Variants in POLK observed in about 807,000 individuals in gnomAD.
POLK encodes polymerase (DNA directed) kappa.
In POLK, 76 loss-of-function variants were observed where a neutral mutation model predicts 94.0. That is an observed-to-expected ratio of 0.81 (90% CI 0.67 to 0.98). POLK has a LOEUF of 0.98. Ranked by LOEUF, POLK falls within the 50% of genes least tolerant of loss-of-function variation. POLK has a pLI of 0.00. For synonymous variants in POLK, 349 were observed against 325.4 expected (o/e 1.07, Z -0.78); for missense variants, 954 against 1,010.1 (o/e 0.94, Z 0.75).
intron 1 of POLK, among the ~76,000 whole-genome samples, chr5:75,536,411 C>T (rs754474964): frequency 3.9e-5 from 6 of 152,140 alleles, no homozygotes; most frequent in Admixed American, 3.9e-4. Context: ...GAAGTGGGAA[C>T]CCTGGATTGG....
downstream of POLK, among the ~76,000 whole-genome samples, chr5:75,602,592 C>G (rs963951413): frequency 6.6e-6 from 1 of 152,110 alleles, no homozygotes; most frequent in Non-Finnish European, 1.5e-5. Context: ...CTTAGAGTAA[C>G]TTTTTCCTGC....
chr5:75,530,396 C>CTTTTTTTTTTT (rs201266079), intron 1 of POLK, among the ~76,000 whole-genome samples: 14 of 61,618 alleles, frequency 2.3e-4, no homozygotes, highest in East Asian at 9.7e-4. Flanking sequence ...TTCCCTTTTT[C>CTTTTTTTTTTT]TTTTTTTTTT....
chr5:75,563,108 C>T (rs1771073838), intron 3 of POLK, among the ~76,000 whole-genome samples: 1 of 152,132 alleles, frequency 6.6e-6, no homozygotes, highest in Admixed American at 6.6e-5. Flanking sequence ...CTTTGTACCT[C>T]TGGTAGAATT....
chr5:75,557,474 C>T (rs1441049136), intron 3 of POLK, among the ~76,000 whole-genome samples: 1 of 152,144 alleles, frequency 6.6e-6, no homozygotes, highest in Non-Finnish European at 1.5e-5. Flanking sequence ...AATATCTCTC[C>T]ATTTAAAGAT....
chr5:75,511,628 T>TTACCCTCCCCTCCCC, upstream of POLK: 1 of 1,483,946 alleles, frequency 6.7e-7, no homozygotes, highest in Non-Finnish European at 9.0e-7. Context: ...GGCCCACTAT[T>TTACCCTCCCCTCCCC]TACCCTCCCC....
At chr5:75,571,584 T>C (rs767641017) in intron 4 of POLK, among the ~76,000 whole-genome samples, 2 of 152,310 alleles carry the variant, frequency 1.3e-5, no homozygotes, top group Non-Finnish European at 1.5e-5. Flanking sequence ...ACTGAGGAGA[T>C]TGGAATGGAT....
intron 8 of POLK, 97 bp downstream of exon 8, chr5:75,583,514 T>C: frequency 1.5e-6 from 1 of 658,068 alleles, no homozygotes; most frequent in Non-Finnish European, 2.4e-6. Flanking sequence ...TTAAAAGTTT[T>C]AAAATAATAG....
intron 1 of POLK, among the ~76,000 whole-genome samples, chr5:75,539,762 A>G (rs1769642720): frequency 6.6e-6 from 1 of 152,320 alleles, no homozygotes; most frequent in East Asian, 1.9e-4. Context: ...CCCTACTTGC[A>G]TAAATATTTC....
At chr5:75,588,455 A>G (rs776787094) in intron 10 of POLK, among the ~76,000 whole-genome samples, 1 of 152,222 alleles carries the variant, frequency 6.6e-6, no homozygotes, top group Non-Finnish European at 1.5e-5. Context: ...TACCATTTTC[A>G]TTTATAATTA....
intron 1 of POLK, among the ~76,000 whole-genome samples, chr5:75,521,283 CTTTTTATTAT>C (rs1342879675): frequency 1.3e-5 from 2 of 151,902 alleles, no homozygotes; most frequent in Admixed American, 6.6e-5. Context: ...ATCTTCATTC[CTTTTTATTAT>C]TTTTTTTCCT....
chr5:75,596,468 G>A lies in POLK; in HGVS notation c.1775G>A (p.Ser592Asn), dbSNP rs765587496. The A allele has an allele frequency of 6.2e-7, 1 of 1,613,920 alleles. No homozygotes were observed. Among genetic ancestry groups the A allele is most frequent in the Admixed American group, 1.7e-5 (1 of 60,016 alleles). Reference sequence around the variant, plus strand: ...AAATGTGAAGCCGTGAATAAACAAAGTTTCCAGACATCACAACCATTCCAA... The same window carrying A: ...AAATGTGAAGCCGTGAATAAACAAAATTTCCAGACATCACAACCATTCCAA... Residue 592 changes from serine (S) to asparagine (N), a missense_variant, in exon 13 of 15, where the codon AGT (serine) becomes AAT (asparagine). Coordinates refer to ENST00000241436, the Ensembl canonical transcript of POLK.
At chr5:75,535,849 G>A (rs1769416053) in intron 1 of POLK, among the ~76,000 whole-genome samples, 1 of 152,086 alleles carries the variant, frequency 6.6e-6, no homozygotes. Flanking sequence ...ATTACCTCCT[G>A]TACTGTTTTA....
chr5:75,530,479 A>G (rs1288008033), intron 1 of POLK, among the ~76,000 whole-genome samples: 1 of 132,004 alleles, frequency 7.6e-6, no homozygotes, highest in Non-Finnish European at 1.5e-5. Flanking sequence ...ATCTAGGCTC[A>G]CTGTAACCTC....
downstream of POLK, among the ~76,000 whole-genome samples, chr5:75,605,823 G>A (rs551357779): frequency 6.6e-6 from 1 of 151,724 alleles, no homozygotes; most frequent in Non-Finnish European, 1.5e-5. Context: ...TGAAGAAAGA[G>A]GGAGCAAAGT....
At chr5:75,521,400 G>A (rs1294289450) in intron 1 of POLK, among the ~76,000 whole-genome samples, 2 of 151,352 alleles carry the variant, frequency 1.3e-5, no homozygotes, top group Non-Finnish European at 2.9e-5. Context: ...GAATTTTTTA[G>A]TTCAGCAAAC....
chr5:75,541,728 GT>G (rs1197196915), intron 1 of POLK, among the ~76,000 whole-genome samples: 1 of 152,082 alleles, frequency 6.6e-6, no homozygotes, highest in Non-Finnish European at 1.5e-5. Flanking sequence ...AATTTTTAAA[GT>G]TTTTTCCTCT....
At chr5:75,522,109 C>T (rs1262293196) in intron 1 of POLK, among the ~76,000 whole-genome samples, 1 of 152,230 alleles carries the variant, frequency 6.6e-6, no homozygotes, top group Non-Finnish European at 1.5e-5. Flanking sequence ...CCTTTGTGTA[C>T]TCATGATGCT....
downstream of POLK, among the ~76,000 whole-genome samples, chr5:75,602,993 A>G (rs1029689179): frequency 2.0e-5 from 3 of 152,242 alleles, no homozygotes; most frequent in Non-Finnish European, 2.9e-5. Flanking sequence ...TTCAGCATCA[A>G]CATGGGTAAT....
intron 1 of POLK, among the ~76,000 whole-genome samples, chr5:75,527,495 T>TA (rs1561335823): frequency 8.7e-6 from 1 of 115,182 alleles, no homozygotes; most frequent in African/African-American, 3.6e-5. Flanking sequence ...AAAAAAAAAT[T>TA]TATATATACA....
Sources: allele counts gnomAD v4.1 joint callset (sites outside exome capture counted in the v4.1 genomes callset), GRCh38; gene constraint gnomAD v4.1.1; transcripts MANE v1.5; gene names NCBI Gene and HGNC (gene_info 2026-07-23, HGNC 2026-07-21).